Variants in ELF1 observed in about 807,000 individuals in gnomAD.
ELF1 encodes ETS-related transcription factor Elf-1.
ELF1 carries 24 observed loss-of-function variants against 59.9 expected under a neutral mutation model. The observed-to-expected ratio is 0.40, with a 90% CI of 0.29 to 0.56. The LOEUF (loss-of-function observed/expected upper bound fraction) is 0.56, where lower values mean the gene tolerates loss of function less well. ELF1 is among the 20% of genes least tolerant of loss of function. The probability of loss-of-function intolerance (pLI) is 0.44; values close to 1 mark genes in which losing one functional copy is unlikely to be tolerated. For synonymous variants in ELF1, 248 were observed against 266.2 expected, an observed-to-expected ratio of 0.93 and a Z score of 0.67; for missense variants, 627 against 742.2, an observed-to-expected ratio of 0.84 and a Z score of 1.80.
At chr13:41,056,398 G>A (rs897119738) in intron 1 of ELF1, among the ~76,000 whole-genome samples, 4 of 152,122 alleles carry the variant, frequency 2.6e-5, no homozygotes, top group Non-Finnish European at 2.9e-5. Context: ...GGACATTCAG[G>A]TTGTTTCTAC....
At chr13:40,942,594 C>T (rs1870245934) in intron 7 of ELF1, among the ~76,000 whole-genome samples, 1 of 152,150 alleles carries the variant, frequency 6.6e-6, no homozygotes, top group Admixed American at 6.5e-5. Flanking sequence ...CAATCTGGAT[C>T]ACTGCAGCCT....
In ELF1 at chr13:40,993,181, C is replaced by A; in HGVS notation, c.-228-10899G>T. ...TTTGTAGTGTGTGTGGTTCTTCCTG[C>A]ATTTTCCCCTTTCTTCATTCCTAAC... On this transcript the variant is annotated intron_variant, in intron 1 of 8. Coordinates refer to ENST00000239882, the MANE Select transcript of ELF1 (RefSeq NM_172373.4). 4 of 1,513,492 alleles carry A rather than the reference C, an allele frequency of 2.6e-6. No individual in the cohort carries two copies. The South Asian group carries it at 4.5e-5, about 17-fold the overall frequency. The allele number at this position is 1,513,492 out of a possible 1,614,324, so 93.8% of individuals were successfully genotyped here. A position where few individuals can be genotyped will look rare whatever the true frequency, so the allele number is the denominator to read the frequency against.
chr13:40,961,884 T>C (rs1032309779), intron 2 of ELF1, among the ~76,000 whole-genome samples: 2 of 152,206 alleles, frequency 1.3e-5, no homozygotes, highest in African/African-American at 2.4e-5. Context: ...TAAAATGCAA[T>C]TCACAGGAGC....
chr13:41,016,770 T>C (rs1053932106), intron 1 of ELF1, among the ~76,000 whole-genome samples: 1 of 150,498 alleles, frequency 6.6e-6, no homozygotes, highest in South Asian at 2.1e-4. Flanking sequence ...CAAAATTAGC[T>C]GGGCGTGGTG....
chr13:40,992,158 T>C (rs1019930636), intron 1 of ELF1, among the ~76,000 whole-genome samples: 2 of 151,774 alleles, frequency 1.3e-5, no homozygotes, highest in Non-Finnish European at 3.0e-5. Context: ...GATAATTATT[T>C]TATTTGTCAT....
At chr13:41,034,902 G>A (rs1876312346) in intron 1 of ELF1, among the ~76,000 whole-genome samples, 1 of 151,618 alleles carries the variant, frequency 6.6e-6, no homozygotes. Flanking sequence ...CCTTACCTCG[G>A]CATTCTACGC....
chr13:41,034,235 T>G (rs1876284479), intron 1 of ELF1, among the ~76,000 whole-genome samples: 1 of 152,158 alleles, frequency 6.6e-6, no homozygotes, highest in Non-Finnish European at 1.5e-5. Context: ...AACCATTAAG[T>G]GCAGTGTGGT....
rs1869574211 is a variant in ELF1, at chr13:40,933,780, G to A, written c.1505C>T (p.Ala502Val). ...GCTAGTAAGGACCTGCTGAACCTGG[G>A]CAGGGCCCAAGACAATTGAAGGAGG... ...GSPPSIVLGP[A>V]QVQQVLTSNV... Residue 502 changes from alanine (A) to valine (V), a missense_variant, in exon 9 of 9, where the codon GCC becomes GTC. Ala to Val is a moderately conservative substitution (Grantham distance 64). Coordinates refer to ENST00000239882, the MANE Select transcript of ELF1 (RefSeq NM_172373.4). 3.1e-6 allele frequency: 5 copies of A among 1,614,136 alleles called. No homozygotes were observed. The highest frequency in any genetic ancestry group is 4.2e-6 in the Non-Finnish European group (5 of 1,180,056).
chr13:40,941,257 C>G lies in ELF1; in HGVS notation c.920G>C (p.Ser307Thr). Residue 307 changes from serine (S) to threonine (T), a missense_variant, in exon 8 of 9, where the codon AGC becomes ACC. Ser to Thr is a moderately conservative substitution (Grantham distance 58). Coordinates refer to ENST00000239882, the MANE Select transcript of ELF1 (RefSeq NM_172373.4). Reference sequence around the variant, plus strand: ...TAGCGATGGATCTGAAGACTCTATGCTGGAACTTGGATCCTCATCATTTAT... The same window carrying G: ...TAGCGATGGATCTGAAGACTCTATGGTGGAACTTGGATCCTCATCATTTAT... ...IYINDEDPSS[S>T]IESSDPSLSS... 1 of 1,614,172 alleles carries G rather than the reference C, an allele frequency of 6.2e-7. No individual in the cohort carries two copies. The highest frequency in any genetic ancestry group is 8.5e-7 in the Non-Finnish European group (1 of 1,180,024).
chr13:40,948,163 A>T (rs1870618659), intron 5 of ELF1, among the ~76,000 whole-genome samples: 1 of 152,204 alleles, frequency 6.6e-6, no homozygotes, highest in Non-Finnish European at 1.5e-5. Flanking sequence ...ATTTTTTGGA[A>T]AGCAGTTTGT....
intron 2 of ELF1, among the ~76,000 whole-genome samples, chr13:40,963,497 A>T (rs1387340699): frequency 1.3e-5 from 2 of 152,248 alleles, no homozygotes; most frequent in Non-Finnish European, 2.9e-5. Flanking sequence ...GGCATGGTCC[A>T]TTCTTTTCTA....
chr13:40,994,406 GC>G (rs1874028919), intron 1 of ELF1, among the ~76,000 whole-genome samples: 1 of 152,190 alleles, frequency 6.6e-6, no homozygotes, highest in Non-Finnish European at 1.5e-5. Context: ...ACTCTGGGAA[GC>G]CCAAGAGGGC....
At chr13:40,984,023 C>A (rs1873426610) in intron 1 of ELF1, among the ~76,000 whole-genome samples, 1 of 152,198 alleles carries the variant, frequency 6.6e-6, no homozygotes, top group Non-Finnish European at 1.5e-5. Flanking sequence ...GCAATTACTG[C>A]CCGTACAACC....
intron 1 of ELF1, among the ~76,000 whole-genome samples, chr13:41,039,912 A>C (rs2138418838): frequency 6.6e-6 from 1 of 152,348 alleles, no homozygotes; most frequent in Non-Finnish European, 1.5e-5. Flanking sequence ...GGCACTTCAC[A>C]AAAGAAATGT....
At chr13:41,060,930 G>A (rs1250942087) in exon 1 of ELF1, 11 of 366,670 alleles carry the variant, frequency 3.0e-5, no homozygotes, top group East Asian at 2.0e-4. Flanking sequence ...CGCCGCCGCC[G>A]CCGCCGCCGC....
upstream of ELF1, among the ~76,000 whole-genome samples, chr13:41,022,219 T>C (rs1452869013): frequency 6.6e-6 from 1 of 152,236 alleles, no homozygotes; most frequent in Non-Finnish European, 1.5e-5. Context: ...TATAATGGAA[T>C]GCTACTCAGC....
intron 3 of ELF1, among the ~76,000 whole-genome samples, chr13:40,955,509 T>C (rs1269927623): frequency 5.5e-4 from 26 of 47,342 alleles, no homozygotes; most frequent in South Asian, 9.4e-4. Flanking sequence ...AAGTGAGGAG[T>C]CCCTCTGCCC....
At chr13:41,036,911 A>C (rs1876404333) in intron 1 of ELF1, among the ~76,000 whole-genome samples, 1 of 151,582 alleles carries the variant, frequency 6.6e-6, no homozygotes, top group Non-Finnish European at 1.5e-5. Context: ...CAATGAGAAC[A>C]CTTGGACACA....
rs1869970910 is a variant in ELF1, at chr13:40,939,111, T to TC, written c.1256+1809_1256+1810insG. On this transcript the variant is annotated intron_variant, in intron 8 of 8. Coordinates refer to ENST00000239882, the MANE Select transcript of ELF1 (RefSeq NM_172373.4). ...ACTTCAGGAGGCCAAGGTGGTAGGA[T>TC]TGCTTGGTTGGTCTTGGTTCAAGAC... 1.3e-5 allele frequency among the ~76,000 whole-genome samples: 2 copies of TC among 152,148 alleles called. 1 individual carries two copies. The highest frequency in any genetic ancestry group is 4.1e-4 in the South Asian group (2 of 4,828).
Sources: gnomAD v4.1 joint callset for allele counts (sites outside exome capture counted in the v4.1 genomes callset) on GRCh38, gnomAD v4.1.1 for gene constraint, MANE v1.5 for transcripts, NCBI Gene and HGNC (gene_info 2026-07-23, HGNC 2026-07-21) for gene names.